PAPPA: variants seen among roughly 807,000 people sequenced by gnomAD.
The protein encoded by PAPPA is pappalysin-1.
In PAPPA, 60 loss-of-function variants were observed where a neutral mutation model predicts 164.0. The observed-to-expected ratio is 0.37, with a 90% CI of 0.30 to 0.45. The LOEUF is 0.45. Among genes scored for constraint, PAPPA ranks in the 20% least tolerant of loss-of-function variants. PAPPA has a pLI of 1.00. For synonymous variants in PAPPA, 875 were observed against 814.1 expected, an observed-to-expected ratio of 1.07 and a Z score of -1.27; for missense variants, 1,782 against 2,087.3, an observed-to-expected ratio of 0.85 and a Z score of 2.85.
At chr9:116,390,006 AG>A (rs1160778365) in intron 21 of PAPPA, among the ~76,000 whole-genome samples, 1 of 152,168 alleles carries the variant, frequency 6.6e-6, no homozygotes, top group Non-Finnish European at 1.5e-5. Flanking sequence ...CCTGTCCAAT[AG>A]TAGGTACTCA....
At chr9:116,384,595 C>T (rs1460815737) in intron 21 of PAPPA, among the ~76,000 whole-genome samples, 1 of 151,884 alleles carries the variant, frequency 6.6e-6, no homozygotes, top group Non-Finnish European at 1.5e-5. Flanking sequence ...TGGATTATTT[C>T]TTTTTTCTTA....
intron 17 of PAPPA, among the ~76,000 whole-genome samples, chr9:116,361,686 GCCCTGCCTCACTGAACACAGTCAC>G (rs2118626032): frequency 6.6e-6 from 1 of 152,184 alleles, no homozygotes; most frequent in Admixed American, 6.5e-5. Flanking sequence ...TGTGATATTT[GCCCTGCCTCACTGAACACAGTCAC>G]ACTGACATGG....
chr9:116,335,532 C>T lies in PAPPA; in HGVS notation c.3611+458C>T, dbSNP rs956464606. On this transcript the variant is annotated intron_variant, in intron 13 of 21. Coordinates refer to ENST00000328252, the MANE Select transcript of PAPPA (RefSeq NM_002581.5). The stretch of plus-strand genomic sequence containing the variant: ...CATCATCCTAGTTCACCGTGTGTTT[C>T]AGGGATAGGTGAAATCTCTATGTCT... Among the ~76,000 whole-genome samples the T allele has an allele frequency of 5.3e-5, 8 of 152,240 alleles. No homozygotes were observed. The South Asian group carries it at 1.0e-3, about 20-fold the overall frequency.
intron 3 of PAPPA, among the ~76,000 whole-genome samples, chr9:116,208,292 AT>A (rs370245104): frequency 8.5e-4 from 130 of 152,254 alleles, no homozygotes; most frequent in African/African-American, 3.0e-3. Context: ...GTAAACATGC[AT>A]TTTTTTAACT....
intron 6 of PAPPA, among the ~76,000 whole-genome samples, chr9:116,232,941 T>G (rs527308698): frequency 6.6e-6 from 1 of 152,306 alleles, no homozygotes; most frequent in East Asian, 1.9e-4. Context: ...ATCTTTGCTC[T>G]CCTGTGGCTT....
intron 19 of PAPPA, among the ~76,000 whole-genome samples, chr9:116,370,937 T>C (rs1032244169): frequency 2.0e-5 from 3 of 152,164 alleles, no homozygotes; most frequent in African/African-American, 7.2e-5. Context: ...ACCCAGGTTC[T>C]AGTGTAAGCT....
At position 116,154,299 on chromosome 9, in the gene PAPPA, G is replaced by T. The variant is rs1297910313; in HGVS notation, c.127G>T (p.Gly43Cys). ...RAGRPPRPAA[G>C]PATCATRAAR... ...CGGCCGACCCCCGCGCCCCGCCGCC[G>T]GCCCGGCCACCTGCGCCACCCGGGC... The change falls in exon 1 of 22, where the codon GGC (glycine) becomes TGC (cysteine). Residue 43 changes from glycine to cysteine, a missense_variant. Gly to Cys is a radical substitution (Grantham distance 159). Coordinates refer to ENST00000328252, the MANE Select transcript of PAPPA (RefSeq NM_002581.5). The surrounding 1 kb of genome is among the most constrained non-coding windows in gnomAD (Gnocchi z 5.2). The T allele has an allele frequency of 7.3e-6, 7 of 953,196 alleles. No homozygotes were observed. The highest frequency in any genetic ancestry group is 8.7e-6 in the Non-Finnish European group (7 of 802,996). 59.0% of individuals were successfully genotyped at this position (953,196 alleles called of 1,614,324 possible).
intron 19 of PAPPA, among the ~76,000 whole-genome samples, chr9:116,374,989 C>T (rs1846630705): frequency 6.6e-6 from 1 of 152,252 alleles, no homozygotes; most frequent in South Asian, 2.1e-4. Flanking sequence ...GTGCTCCACG[C>T]TTCACCCTGG....
chr9:116,293,951 AAAATAAAT>A (rs551814257), intron 9 of PAPPA, among the ~76,000 whole-genome samples: 1 of 152,142 alleles, frequency 6.6e-6, no homozygotes, highest in Non-Finnish European at 1.5e-5. Context: ...ACTCTGTCTC[AAAATAAAT>A]AAATAAATAA....
chr9:116,280,732 C>G (rs1327239298), intron 9 of PAPPA, among the ~76,000 whole-genome samples: 1 of 152,222 alleles, frequency 6.6e-6, no homozygotes, highest in Non-Finnish European at 1.5e-5. Context: ...CAGTAAACCA[C>G]CACCCATGGC....
At chr9:116,200,777 T>C (rs1844163412) in intron 2 of PAPPA, among the ~76,000 whole-genome samples, 1 of 150,326 alleles carries the variant, frequency 6.7e-6, no homozygotes, top group African/African-American at 2.5e-5. Context: ...TGTTGATGAA[T>C]GAAAGCAGAA....
At chr9:116,186,574 C>A (rs770463236) in intron 1 of PAPPA, among the ~76,000 whole-genome samples, 8 of 152,090 alleles carry the variant, frequency 5.3e-5, no homozygotes, top group South Asian at 2.1e-4. Flanking sequence ...ACTTTCCTGA[C>A]AATTTAATGC....
intron 21 of PAPPA, among the ~76,000 whole-genome samples, chr9:116,385,980 G>A (rs775744080): frequency 6.6e-5 from 10 of 152,222 alleles, no homozygotes; most frequent in Non-Finnish European, 1.3e-4. Context: ...ATGAAGGTCC[G>A]AGAAAGCTTC....
chr9:116,377,482 C>T (rs1163838598), intron 19 of PAPPA, 94 bp from the exon 20 acceptor site: 1 of 842,084 alleles, frequency 1.2e-6, no homozygotes, highest in Non-Finnish European at 2.0e-6. Flanking sequence ...TGGAAGGTCC[C>T]AGAAGAGGTG....
chr9:116,244,766 A>G (rs1241191480), intron 7 of PAPPA, among the ~76,000 whole-genome samples: 1 of 152,216 alleles, frequency 6.6e-6, no homozygotes, highest in Non-Finnish European at 1.5e-5. Context: ...AGATTTTTCA[A>G]AGAACTACAA....
chr9:116,364,524 C>G (rs978054507), intron 18 of PAPPA, among the ~76,000 whole-genome samples: 1 of 152,176 alleles, frequency 6.6e-6, no homozygotes, highest in African/African-American at 2.4e-5. Flanking sequence ...CAAACACATA[C>G]ACACACAGGT....
At chr9:116,286,204 A>C (rs1384661497) in intron 9 of PAPPA, 1 of 152,180 alleles carries the variant, frequency 6.6e-6, no homozygotes, top group Non-Finnish European at 1.5e-5. Flanking sequence ...GACAGAGGTC[A>C]TTACTCTTTG....
At chr9:116,315,752 A>C (rs538717940) in intron 10 of PAPPA, among the ~76,000 whole-genome samples, 1 of 152,142 alleles carries the variant, frequency 6.6e-6, no homozygotes, top group South Asian at 2.1e-4. Flanking sequence ...GAGGAAGAAG[A>C]GGTAGAGGTA....
chr9:116,372,960 C>T (rs1204147643), intron 19 of PAPPA, among the ~76,000 whole-genome samples: 1 of 152,178 alleles, frequency 6.6e-6, no homozygotes, highest in Non-Finnish European at 1.5e-5. Context: ...CTAGCTAATT[C>T]CACTGCATTC....
Sources: gnomAD v4.1 joint callset for allele counts (sites outside exome capture counted in the v4.1 genomes callset) on GRCh38, gnomAD v4.1.1 for gene constraint, Gnocchi (gnomAD v3.1) non-coding constraint, MANE v1.5 for transcripts, NCBI Gene and HGNC (gene_info 2026-07-23, HGNC 2026-07-21) for gene names.